The following USH2A variants were observed in gnomAD, a reference collection of about 807,000 sequenced individuals.
USH2A encodes Usher syndrome 2A (autosomal recessive, mild).
USH2A carries 443 observed loss-of-function variants against 538.9 expected under a neutral mutation model. That is an observed-to-expected ratio of 0.82 (90% CI 0.76 to 0.89). The LOEUF (loss-of-function observed/expected upper bound fraction) is 0.89, where lower values mean the gene tolerates loss of function less well. Among genes scored for constraint, USH2A ranks in the 40% least tolerant of loss-of-function variants. The pLI, the probability that USH2A is intolerant of heterozygous loss-of-function variation, is 0.00. For synonymous variants in USH2A, 2,413 were observed against 2,273.5 expected, an observed-to-expected ratio of 1.06 and a Z score of -1.75; for missense variants, 6,633 against 6,324.8, an observed-to-expected ratio of 1.05 and a Z score of -1.65.
At chr1:216,017,452 CT>C (rs1263985688) in intron 32 of USH2A, among the ~76,000 whole-genome samples, 1 of 152,172 alleles carries the variant, frequency 6.6e-6, no homozygotes, top group Non-Finnish European at 1.5e-5. Flanking sequence ...CTAAATCTTT[CT>C]TGCAAAACTG....
intron 37 of USH2A, among the ~76,000 whole-genome samples, chr1:215,954,655 G>A (rs981186597): frequency 6.6e-6 from 1 of 151,830 alleles, no homozygotes; most frequent in African/African-American, 2.4e-5. Flanking sequence ...CATGGCACAT[G>A]TATACATATG....
chr1:215,795,186 T>C (rs1221108891), intron 50 of USH2A, among the ~76,000 whole-genome samples: 1 of 152,210 alleles, frequency 6.6e-6, no homozygotes, highest in African/African-American at 2.4e-5. Context: ...ACAGAGTGTA[T>C]ACCTCCTGTA....
At chr1:216,287,863 T>A (rs1338499008) in intron 11 of USH2A, among the ~76,000 whole-genome samples, 1 of 152,136 alleles carries the variant, frequency 6.6e-6, no homozygotes, top group Non-Finnish European at 1.5e-5. Flanking sequence ...TAATGACCGT[T>A]TAAAATAACA....
chr1:216,198,533 T>G lies in USH2A; in HGVS notation c.3863A>C (p.Glu1288Ala), dbSNP rs763707515. 1 of 1,613,934 alleles carries G rather than the reference T, an allele frequency of 6.2e-7. No individual in the cohort carries two copies. Among genetic ancestry groups the G allele is most frequent in the Non-Finnish European group, 8.5e-7 (1 of 1,179,932 alleles). Residue 1288 changes from glutamate (E) to alanine (A), a missense_variant, in exon 18 of 72, where the codon GAA becomes GCA. By Grantham distance (107) the Glu-to-Ala change is moderately radical (BLOSUM62 -1). Transcript: ENST00000307340. ...AACTCGACTTTCCTCAGATGTGGTT[T>G]CTTTAGTAGATCTCAGTCTTCTCAT... ...LYMRRLRSTK[E>A]TTSEESRVFQ...
intron 14 of USH2A, among the ~76,000 whole-genome samples, chr1:216,221,737 T>G (rs894975136): frequency 1.3e-5 from 2 of 152,232 alleles, no homozygotes; most frequent in African/African-American, 4.8e-5. Flanking sequence ...GAACACTGTC[T>G]CTTTCTCCTT....
At chr1:215,853,752 G>T (rs1340809494) in intron 44 of USH2A, among the ~76,000 whole-genome samples, 1 of 152,146 alleles carries the variant, frequency 6.6e-6, no homozygotes, top group Non-Finnish European at 1.5e-5. Context: ...GCAAAATGCT[G>T]CCAGTCTCTT....
chr1:216,167,510 A>C (rs1041848549), intron 21 of USH2A, among the ~76,000 whole-genome samples: 4 of 152,084 alleles, frequency 2.6e-5, no homozygotes, highest in African/African-American at 2.4e-5. Context: ...GCCTTAAGTG[A>C]GCATGCCTAT....
chr1:216,351,915 A>G (rs2038295401), intron 4 of USH2A, among the ~76,000 whole-genome samples: 2 of 152,310 alleles, frequency 1.3e-5, no homozygotes, highest in South Asian at 2.1e-4. Flanking sequence ...GTCTTAGTGG[A>G]AAAATGAAAT....
chr1:215,908,236 T>C (rs920142127), intron 38 of USH2A, among the ~76,000 whole-genome samples: 2 of 151,950 alleles, frequency 1.3e-5, no homozygotes, highest in Non-Finnish European at 2.9e-5. Context: ...AAAACCCCAT[T>C]AAATTTTAAA....
intron 3 of USH2A, among the ~76,000 whole-genome samples, chr1:216,383,671 T>C (rs959059678): frequency 6.6e-6 from 1 of 152,040 alleles, no homozygotes; most frequent in Non-Finnish European, 1.5e-5. Context: ...TCTTTTCACA[T>C]GTAATTTGTT....
chr1:215,798,943 C>T lies in USH2A; in HGVS notation c.9922G>A (p.Gly3308Ser), dbSNP rs752811693. The change falls in exon 50 of 72, where the codon GGT becomes AGT. Residue 3308 changes from glycine (G) to serine (S), a missense_variant. Coordinates refer to ENST00000307340, the MANE Select transcript of USH2A (RefSeq NM_206933.4). ...TTGTACACCACTCCTTCTTCTCCAC[C>T]ACAACACTCTAAATCGTTGCTCACA... The part of the protein sequence containing the change: ...QIVSNDLECC[G>S]GEEGVVYNRL... 1.0e-4 allele frequency: 169 copies of T among 1,613,924 alleles called. 1 individual carries two copies. Among genetic ancestry groups the T allele is most frequent in the Non-Finnish European group, 1.4e-4 (160 of 1,179,964 alleles).
At position 216,219,930 on chromosome 1, in the gene USH2A, C is replaced by T. The variant is rs115311315; in HGVS notation, c.2994-2380G>A. On this transcript the variant is annotated intron_variant, in intron 14 of 71. Coordinates refer to ENST00000307340, the MANE Select transcript of USH2A (RefSeq NM_206933.4). Reference sequence around the variant, plus strand: ...TTGCTATGATAGTTCTCTTTGGACCCTTACATAACTCAGTATTTGCTGGTT... The same window carrying T: ...TTGCTATGATAGTTCTCTTTGGACCTTTACATAACTCAGTATTTGCTGGTT... Among the ~76,000 whole-genome samples the T allele has an allele frequency of 7.8e-3, 1,193 of 152,232 alleles. 14 individuals are homozygous for T. The highest frequency in any genetic ancestry group is 0.027 in the African/African-American group (1,128 of 41,540).
intron 15 of USH2A, among the ~76,000 whole-genome samples, chr1:216,210,317 G>A (rs573676011): frequency 5.3e-4 from 81 of 152,214 alleles, no homozygotes; most frequent in Non-Finnish European, 5.6e-4. Flanking sequence ...GACAAACTGC[G>A]TCTGCACCCG....
rs762565385 is a variant in USH2A at position 215,790,251 on chromosome 1, A to G, written c.9990T>C (p.Asn3330=). ...CTGAGCAGCATATGGTATCTGACAT[A>G]TTCACATAATCCTGCCCACAACAGA... ...GMFCCGQDYV[N]MSDTICCSAS... Residue 3330 remains asparagine, a synonymous_variant, in exon 51 of 72, where the codon AAT becomes AAC. Transcript: ENST00000307340. The G allele has an allele frequency of 1.3e-5, 21 of 1,614,076 alleles. No homozygotes were observed. The South Asian group carries it at 2.0e-4, about 15-fold the overall frequency.
chr1:215,899,965 A>AAAC, intron 40 of USH2A, 110 bp downstream of exon 40: 1 of 1,518,450 alleles, frequency 6.6e-7, no homozygotes, highest in Non-Finnish European at 9.1e-7. Context: ...TATTGTCACT[A>AAAC]AACAACAAGT....
intron 3 of USH2A, among the ~76,000 whole-genome samples, chr1:216,409,136 G>C (rs1344365116): frequency 1.3e-5 from 2 of 151,982 alleles, no homozygotes; most frequent in African/African-American, 4.8e-5. Flanking sequence ...GCCACAAAAA[G>C]AATAAAATAC....
At chr1:216,288,417 C>G (rs368744119) in intron 11 of USH2A, among the ~76,000 whole-genome samples, 1 of 151,852 alleles carries the variant, frequency 6.6e-6, no homozygotes, top group African/African-American at 2.4e-5. Context: ...TTATATTTGT[C>G]TTTTATTTGG....
chr1:215,741,619 T>A, intron 59 of USH2A, 82 bp from the exon 60 acceptor site: 1 of 1,489,780 alleles, frequency 6.7e-7, no homozygotes, highest in South Asian at 1.2e-5. Context: ...GGTAATGATA[T>A]CATGAAAATT....
At chr1:216,029,870 A>G (rs1274580204) in intron 32 of USH2A, among the ~76,000 whole-genome samples, 6 of 151,456 alleles carry the variant, frequency 4.0e-5, no homozygotes, top group Non-Finnish European at 8.9e-5. Context: ...AAAAATCAAA[A>G]GAAATGTTCA....
Sources: gnomAD v4.1 joint callset for allele counts (sites outside exome capture counted in the v4.1 genomes callset) on GRCh38, gnomAD v4.1.1 for gene constraint, MANE v1.5 for transcripts, NCBI Gene and HGNC (gene_info 2026-07-23, HGNC 2026-07-21) for gene names.